The following RAP1GAP2 variants were observed in gnomAD, a reference collection of about 807,000 sequenced individuals.
The protein encoded by RAP1GAP2 is RAP1 GTPase activating protein 2, also known as rap1 GTPase-activating protein 2.
RAP1GAP2 carries 27 observed loss-of-function variants against 95.0 expected under a neutral mutation model. The observed-to-expected ratio is 0.28, with a 90% CI of 0.21 to 0.39. RAP1GAP2 has a LOEUF of 0.39. Among genes scored for constraint, RAP1GAP2 ranks in the 10% least tolerant of loss-of-function variants. The pLI is 1.00. For synonymous variants in RAP1GAP2, 373 were observed against 380.9 expected, an observed-to-expected ratio of 0.98 and a Z score of 0.24; for missense variants, 771 against 970.0, an observed-to-expected ratio of 0.79 and a Z score of 2.72.
At chr17:2,834,627 T>C (rs2071050850) in intron 2 of RAP1GAP2, among the ~76,000 whole-genome samples, 1 of 152,022 alleles carries the variant, frequency 6.6e-6, no homozygotes, top group Non-Finnish European at 1.5e-5. Context: ...CAAAACCCCA[T>C]CTCTACAAAA....
At chr17:2,886,043 G>A (rs1030106503) in intron 2 of RAP1GAP2, among the ~76,000 whole-genome samples, 2 of 152,108 alleles carry the variant, frequency 1.3e-5, no homozygotes, top group African/African-American at 4.8e-5. Context: ...GAGAAGAGCA[G>A]AAGGCAGATG....
rs1311285960 is a variant in RAP1GAP2 at position 2,995,460 on chromosome 17, C to G, written c.1038C>G (p.Ala346=). 3.1e-5 allele frequency: 50 copies of G among 1,613,644 alleles called. No homozygotes were observed. Among genetic ancestry groups the G allele is most frequent in the Non-Finnish European group, 3.7e-5 (44 of 1,179,752 alleles). The change falls in exon 13 of 25, where the codon GCC becomes GCG. Residue 346 remains alanine, a synonymous_variant. Coordinates refer to ENST00000254695, the MANE Select transcript of RAP1GAP2 (RefSeq NM_015085.5). The part of the protein sequence containing the change: ...STKLPFTDGD[A]QQLQRKRHIG... ...AGCTGCCATTTACCGACGGAGACGC[C>G]CAGCAGGTAACCTGGTTTGGGAGGG...
intron 17 of RAP1GAP2, among the ~76,000 whole-genome samples, chr17:3,013,835 C>G (rs1276429649): frequency 3.3e-5 from 5 of 151,996 alleles, no homozygotes; most frequent in African/African-American, 1.2e-4. Context: ...ATAATTTACC[C>G]TTCAGAACTT....
At chr17:2,760,371 T>C (rs550550483) in intron 1 of RAP1GAP2, among the ~76,000 whole-genome samples, 48 of 151,008 alleles carry the variant, frequency 3.2e-4, no homozygotes, top group Non-Finnish European at 6.3e-4. Context: ...GACGGAGTCT[T>C]GCTCTGTCGC....
chr17:2,991,948 T>A (rs2045770995), intron 12 of RAP1GAP2, among the ~76,000 whole-genome samples: 1 of 151,564 alleles, frequency 6.6e-6, no homozygotes, highest in South Asian at 2.1e-4. Flanking sequence ...TGTATTTGAG[T>A]AGAGACGGGG....
chr17:2,842,004 C>T (rs558527798), intron 2 of RAP1GAP2, among the ~76,000 whole-genome samples: 4 of 152,294 alleles, frequency 2.6e-5, no homozygotes, highest in South Asian at 4.1e-4. Flanking sequence ...AGCCTCAACC[C>T]TCTCTACAGC....
chr17:2,989,496 C>T (rs2045680989), intron 11 of RAP1GAP2, among the ~76,000 whole-genome samples: 1 of 152,124 alleles, frequency 6.6e-6, no homozygotes, highest in South Asian at 2.1e-4. Flanking sequence ...CTATGCCCAG[C>T]TGATTTTTGC....
intron 2 of RAP1GAP2, among the ~76,000 whole-genome samples, chr17:2,809,069 T>A (rs2069645069): frequency 6.6e-6 from 1 of 152,200 alleles, no homozygotes; most frequent in East Asian, 1.9e-4. Flanking sequence ...AGGTACCATT[T>A]GCCAGGCGGC....
intron 2 of RAP1GAP2, among the ~76,000 whole-genome samples, chr17:2,887,842 C>G (rs1033081114): frequency 2.7e-5 from 4 of 149,764 alleles, no homozygotes; most frequent in African/African-American, 4.9e-5. Context: ...ACTGGCAAAT[C>G]TTTGTACTTT....
At chr17:3,030,161 T>C (rs2047247622) in intron 22 of RAP1GAP2, among the ~76,000 whole-genome samples, 1 of 125,018 alleles carries the variant, frequency 8.0e-6, no homozygotes, top group African/African-American at 2.8e-5. Context: ...TATATACATA[T>C]GTATAATATA....
rs1200900162 is a variant in RAP1GAP2 at position 2,821,398 on chromosome 17, C to T, written c.80+20848C>T. Among the ~76,000 whole-genome samples, 7 of 122,950 alleles carry T rather than the reference C, an allele frequency of 5.7e-5. No homozygotes were observed. The East Asian group carries it at 9.6e-4, about 17-fold the overall frequency. 80.7% of individuals were successfully genotyped at this position (122,950 alleles called of 152,430 possible). ...CTTTTTTTTTTTTTTTTTTTTGAGA[C>T]GGAGTCTCGCTCTGTCGCCCAGGCT... On this transcript the variant is annotated intron_variant, in intron 2 of 24. Coordinates refer to ENST00000254695, the MANE Select transcript of RAP1GAP2 (RefSeq NM_015085.5).
At chr17:2,878,776 G>A (rs1002443818) in intron 2 of RAP1GAP2, among the ~76,000 whole-genome samples, 1 of 152,214 alleles carries the variant, frequency 6.6e-6, no homozygotes, top group Non-Finnish European at 1.5e-5. Context: ...TATCCCTGCT[G>A]CCCAGGAGCC....
chr17:2,776,864 G>A (rs2068514543), upstream of RAP1GAP2, among the ~76,000 whole-genome samples: 1 of 151,744 alleles, frequency 6.6e-6, no homozygotes, highest in Non-Finnish European at 1.5e-5. Context: ...GGAGGGGGCT[G>A]GGCCGAGGGA....
At position 2,803,979 on chromosome 17, in the gene RAP1GAP2, C is replaced by T. The variant is rs559404120; in HGVS notation, c.80+3429C>T. On this transcript the variant is annotated intron_variant, in intron 2 of 24. Transcript: ENST00000254695. ...CATAAAGATGGACAGACAGATGGAT[C>T]CAGTAGAATTCAGAGTTCAGAAATA... Among the ~76,000 whole-genome samples the T allele has an allele frequency of 2.0e-5, 3 of 152,284 alleles. No individual in the cohort carries two copies. In the South Asian group the frequency reaches 6.2e-4, roughly 32 times the overall value.
intron 11 of RAP1GAP2, among the ~76,000 whole-genome samples, chr17:2,988,539 A>T (rs1022714889): frequency 6.6e-5 from 10 of 152,232 alleles, no homozygotes; most frequent in African/African-American, 2.4e-4. Context: ...TCTTGGGTGT[A>T]TCAATACTGT....
intron 3 of RAP1GAP2, among the ~76,000 whole-genome samples, chr17:2,916,491 G>A (rs2042573024): frequency 6.6e-6 from 1 of 152,230 alleles, no homozygotes; most frequent in African/African-American, 2.4e-5. Context: ...CAGCTGGTGA[G>A]TGGCAGAGCC....
chr17:2,801,882 C>G (rs2069316379), intron 2 of RAP1GAP2, among the ~76,000 whole-genome samples: 1 of 152,052 alleles, frequency 6.6e-6, no homozygotes, highest in Admixed American at 6.6e-5. Flanking sequence ...CGTTTCTGGC[C>G]AAACCATTTT....
At chr17:2,939,563 T>C (rs2043414373) in intron 3 of RAP1GAP2, among the ~76,000 whole-genome samples, 1 of 152,246 alleles carries the variant, frequency 6.6e-6, no homozygotes. Flanking sequence ...GGGAGCCTGC[T>C]GGAGTCTCCA....
chr17:2,892,215 C>G (rs1416268530), intron 2 of RAP1GAP2, among the ~76,000 whole-genome samples: 1 of 152,204 alleles, frequency 6.6e-6, no homozygotes, highest in Non-Finnish European at 1.5e-5. Context: ...TCTGAAATTT[C>G]CTGACAGTGT....
Sources: gnomAD v4.1 joint callset for allele counts (sites outside exome capture counted in the v4.1 genomes callset) on GRCh38, gnomAD v4.1.1 for gene constraint, MANE v1.5 for transcripts, NCBI Gene and HGNC (gene_info 2026-07-23, HGNC 2026-07-21) for gene names.